Variants in RNGTT observed in about 807,000 individuals in gnomAD.
RNGTT encodes RNA guanylyltransferase and 5'-phosphatase.
RNGTT carries 33 observed loss-of-function variants against 79.3 expected under a neutral mutation model. The ratio of observed to expected loss-of-function variants is 0.42; its 90% CI spans 0.32 to 0.56. RNGTT has a LOEUF of 0.56. Among genes scored for constraint, RNGTT ranks in the 20% least tolerant of loss-of-function variants. The probability of loss-of-function intolerance (pLI) is 0.17; values close to 1 mark genes in which losing one functional copy is unlikely to be tolerated. For missense variants in RNGTT, 497 were observed against 739.1 expected (o/e 0.67, Z 3.80); for synonymous variants, 222 against 235.9 (o/e 0.94, Z 0.54).
At chr6:88,623,299 T>A (rs1772506056) in intron 14 of RNGTT, among the ~76,000 whole-genome samples, 1 of 152,128 alleles carries the variant, frequency 6.6e-6, no homozygotes, top group East Asian at 1.9e-4. Flanking sequence ...CACATAGATC[T>A]AACTCATTTC....
At chr6:88,613,742 C>T (rs941830942) in intron 15 of RNGTT, among the ~76,000 whole-genome samples, 3 of 152,160 alleles carry the variant, frequency 2.0e-5, no homozygotes, top group Non-Finnish European at 2.9e-5. Context: ...TTGTGTTGTT[C>T]CCCATGAAAG....
intron 13 of RNGTT, among the ~76,000 whole-genome samples, chr6:88,691,603 T>A (rs1158099095): frequency 6.6e-6 from 1 of 152,146 alleles, no homozygotes; most frequent in African/African-American, 2.4e-5. Flanking sequence ...AAGCTGTGAT[T>A]GAAAAAAGGC....
intron 11 of RNGTT, among the ~76,000 whole-genome samples, chr6:88,818,403 T>C (rs1415753386): frequency 6.6e-6 from 1 of 151,734 alleles, no homozygotes; most frequent in Non-Finnish European, 1.5e-5. Flanking sequence ...GCCAACATGG[T>C]GAAACCCCGT....
chr6:88,826,841 T>C (rs1001118157), intron 11 of RNGTT, among the ~76,000 whole-genome samples: 1 of 143,554 alleles, frequency 7.0e-6, no homozygotes, highest in Non-Finnish European at 1.5e-5. Context: ...TATATATATA[T>C]ATATGTGTGT....
intron 4 of RNGTT, 31 bp downstream of exon 4, chr6:88,928,954 T>C (rs1196669796): frequency 6.7e-7 from 1 of 1,501,436 alleles, no homozygotes; most frequent in Non-Finnish European, 9.1e-7. Flanking sequence ...AAATAAAATA[T>C]TCAACAGTGG....
intron 4 of RNGTT, among the ~76,000 whole-genome samples, chr6:88,925,414 AAC>A (rs1435483539): frequency 6.6e-6 from 1 of 152,006 alleles, no homozygotes; most frequent in African/African-American, 2.4e-5. Context: ...AACATGGTGA[AAC>A]AGTGTCTCTA....
At chr6:88,963,201 T>C (rs547866133) in intron 1 of RNGTT, 145 bp downstream of exon 1, 7 of 745,424 alleles carry the variant, frequency 9.4e-6, no homozygotes, top group African/African-American at 9.1e-5. Flanking sequence ...TTCCCATTCA[T>C]CCACGAAGCG....
rs549690548 is a variant in RNGTT at position 88,824,747 on chromosome 6, T to C, written c.1269+19610A>G. On this transcript the variant is annotated intron_variant, in intron 11 of 15. Transcript: ENST00000369485. ...CAATAAATTGAAAACACGTTTGTTT[T>C]CTTTTTTTTTTTTTTTTTCTTTTTG... 2.1e-4 allele frequency among the ~76,000 whole-genome samples: 31 copies of C among 145,672 alleles called. No individual in the cohort carries two copies. In the South Asian group the frequency reaches 3.6e-3, roughly 17 times the overall value.
intron 12 of RNGTT, among the ~76,000 whole-genome samples, chr6:88,794,610 T>C (rs1779532906): frequency 6.6e-6 from 1 of 152,118 alleles, no homozygotes; most frequent in African/African-American, 2.4e-5. Flanking sequence ...CCACAGCCCA[T>C]AGATTTTTGT....
intron 13 of RNGTT, among the ~76,000 whole-genome samples, chr6:88,708,548 C>A (rs1174283792): frequency 6.6e-6 from 1 of 152,058 alleles, no homozygotes; most frequent in Non-Finnish European, 1.5e-5. Flanking sequence ...CCAGCTCCAG[C>A]CTTTGGTCTT....
At chr6:88,800,809 T>A (rs532427161) in intron 12 of RNGTT, among the ~76,000 whole-genome samples, 568 of 152,326 alleles carry the variant, frequency 3.7e-3, no homozygotes, top group Non-Finnish European at 7.0e-3. Context: ...TTATGTTCTC[T>A]GAGGAAACTG....
chr6:88,727,132 C>T (rs1005223122), intron 13 of RNGTT, among the ~76,000 whole-genome samples: 2 of 151,188 alleles, frequency 1.3e-5, no homozygotes, highest in East Asian at 1.9e-4. Context: ...TTGTAAAAGT[C>T]GTGAAAAAAA....
chr6:88,811,247 A>C (rs749382071), intron 11 of RNGTT, among the ~76,000 whole-genome samples: 4 of 152,226 alleles, frequency 2.6e-5, no homozygotes, highest in Non-Finnish European at 5.9e-5. Flanking sequence ...AAATTCGAAG[A>C]TAATTGGATG....
chr6:88,793,312 T>C (rs1002670062), intron 12 of RNGTT, among the ~76,000 whole-genome samples: 1 of 152,206 alleles, frequency 6.6e-6, no homozygotes, highest in Non-Finnish European at 1.5e-5. Flanking sequence ...TATAGTACAG[T>C]GCTATGCCAT....
chr6:88,805,908 C>A (rs1356570525), intron 11 of RNGTT, among the ~76,000 whole-genome samples: 1 of 152,128 alleles, frequency 6.6e-6, no homozygotes, highest in Non-Finnish European at 1.5e-5. Context: ...ACAATAAATA[C>A]AAGTAACAGC....
At chr6:88,824,302 C>G (rs1240558455) in intron 11 of RNGTT, among the ~76,000 whole-genome samples, 1 of 152,168 alleles carries the variant, frequency 6.6e-6, no homozygotes, top group African/African-American at 2.4e-5. Context: ...CAGCATGTAA[C>G]TATACTCTGT....
intron 11 of RNGTT, among the ~76,000 whole-genome samples, chr6:88,804,515 T>C (rs1009749117): frequency 2.6e-5 from 4 of 152,144 alleles, no homozygotes; most frequent in African/African-American, 9.6e-5. Context: ...AAATGCATTA[T>C]AGAATATACT....
intron 13 of RNGTT, among the ~76,000 whole-genome samples, chr6:88,723,729 GTT>G (rs1416663629): frequency 2.0e-5 from 3 of 152,142 alleles, no homozygotes; most frequent in South Asian, 4.2e-4. Context: ...TTTGGGTTTT[GTT>G]TTTTGTCTTT....
intron 11 of RNGTT, among the ~76,000 whole-genome samples, chr6:88,830,222 G>C (rs923322004): frequency 6.6e-6 from 1 of 152,032 alleles, no homozygotes; most frequent in African/African-American, 2.4e-5. Flanking sequence ...TTAGAACTCA[G>C]GATTAAGAAA....
Sources: allele counts gnomAD v4.1 joint callset (sites outside exome capture counted in the v4.1 genomes callset), GRCh38; gene constraint gnomAD v4.1.1; transcripts MANE v1.5; gene names NCBI Gene and HGNC (gene_info 2026-07-23, HGNC 2026-07-21).